Variants in SF3A1 observed in about 807,000 individuals in gnomAD.
The protein encoded by SF3A1 is SAP 114.
Under a neutral mutation model 89.9 loss-of-function variants are expected in SF3A1, and 13 were observed. The observed-to-expected ratio is 0.14, with a 90% CI of 0.09 to 0.23. The LOEUF is 0.23. Among genes scored for constraint, SF3A1 ranks in the 10% least tolerant of loss-of-function variants. SF3A1 has a pLI of 1.00. For synonymous variants in SF3A1, 405 were observed against 374.4 expected, an observed-to-expected ratio of 1.08 and a Z score of -0.94; for missense variants, 604 against 1,022.1, an observed-to-expected ratio of 0.59 and a Z score of 5.58.
intron 2 of SF3A1, among the ~76,000 whole-genome samples, chr22:30,347,835 G>C (rs1569174082): frequency 1.3e-5 from 2 of 152,106 alleles, no homozygotes; most frequent in Admixed American, 1.3e-4. Context: ...CATTATTGAG[G>C]AGATGCCAAA....
intron 11 of SF3A1, 64 bp downstream of exon 11, chr22:30,338,725 A>G: frequency 6.2e-7 from 1 of 1,606,568 alleles, no homozygotes; most frequent in Non-Finnish European, 8.5e-7. Flanking sequence ...CTTCTCAGCC[A>G]ACAGTGTCCG....
chr22:30,353,270 A>C (rs1201548462), intron 1 of SF3A1, among the ~76,000 whole-genome samples, 198 bp from the exon 2 acceptor site: 1 of 152,178 alleles, frequency 6.6e-6, no homozygotes, highest in Non-Finnish European at 1.5e-5. Flanking sequence ...ACCCAGGGAG[A>C]AGAGCAGCTT....
Position 30,352,966 on chromosome 22 carries a change from G to A in SF3A1, c.170C>T (p.Ala57Val). Residue 57 changes from alanine (A) to valine (V), a missense_variant, in exon 2 of 16, where the codon GCC becomes GTC. By Grantham distance (64) the Ala-to-Val change is moderately conservative. Transcript: ENST00000215793. ...GCTCTGTTACCTGGCCACAAAGCTGGCAGTCTTGTCAACAATATTTCTGAC... is the reference window on the plus strand; with the variant it reads ...GCTCTGTTACCTGGCCACAAAGCTGACAGTCTTGTCAACAATATTTCTGAC... ...PEVRNIVDKT[A>V]SFVARNGPEF... 6.2e-7 allele frequency: 1 copy of A among 1,614,126 alleles called. No individual in the cohort carries two copies. Among genetic ancestry groups the A allele is most frequent in the Non-Finnish European group, 8.5e-7 (1 of 1,179,968 alleles).
chr22:30,337,121 G>C lies in SF3A1; in HGVS notation c.2011C>G (p.His671Asp). The C allele has an allele frequency of 6.2e-7, 1 of 1,614,032 alleles. No homozygotes were observed. The highest frequency in any genetic ancestry group is 8.5e-7 in the Non-Finnish European group (1 of 1,179,910). Residue 671 changes from histidine (H) to aspartate (D), a missense_variant, in exon 13 of 16, where the codon CAT becomes GAT. Physicochemically the swap from His to Asp is moderately conservative, Grantham distance 81. Transcript: ENST00000215793. ...TCATCTTCCATGGGAGGTGGGGGAT[G>C]CACAGGGGGCATTGGGGCTGGAGCT... ...VPAPAPMPPV[H>D]PPPPMEDEPT...
rs1482408555 is a variant in SF3A1, at chr22:30,334,706, G to C, written c.2281-11C>G. The C allele has an allele frequency of 6.3e-7, 1 of 1,591,612 alleles. No individual in the cohort carries two copies. The highest frequency in any genetic ancestry group is 1.8e-5 in the Admixed American group (1 of 56,716). On this transcript the variant is annotated splice_polypyrimidine_tract_variant and intron_variant, in intron 15 of 15. Coordinates refer to ENST00000215793, the MANE Select transcript of SF3A1 (RefSeq NM_005877.6). The stretch of plus-strand genomic sequence containing the variant: ...TTTGATGAAGATACCCTGGAAAACA[G>C]ACAGCGTGCCTTAGCATGGGGCAAC...
chr22:30,335,424 G>A (rs577185072), intron 15 of SF3A1, 43 bp downstream of exon 15: 2 of 1,520,300 alleles, frequency 1.3e-6, no homozygotes, highest in African/African-American at 1.4e-5. Flanking sequence ...GAAAGCAGAG[G>A]TGTCAGGACC....
chr22:30,338,081 C>T (rs1189562823), intron 11 of SF3A1, among the ~76,000 whole-genome samples, 184 bp from the exon 12 acceptor site: 2 of 152,010 alleles, frequency 1.3e-5, no homozygotes, highest in Non-Finnish European at 1.5e-5. Context: ...GCTGAGAGCC[C>T]GAGGATGACA....
chr22:30,337,980 A>G lies in SF3A1; in HGVS notation c.1744-83T>C, dbSNP rs940240304. ...ACACAGTTGGCAACTGGCTGCCTGC[A>G]GCTCTGAGGATGGAGGTTAGACAAC... On this transcript the variant is annotated intron_variant, in intron 11 of 15. Coordinates refer to ENST00000215793, the MANE Select transcript of SF3A1 (RefSeq NM_005877.6). The G allele has an allele frequency of 1.3e-5, 12 of 952,272 alleles. No homozygotes were observed. In the African/African-American group the frequency reaches 1.8e-4, roughly 14 times the overall value. The allele number at this position is 952,272 out of a possible 1,614,324, so 59.0% of individuals were successfully genotyped here.
Position 30,340,183 on chromosome 22 carries a change from A to AC in SF3A1, c.1375+12dup. On this transcript the variant is annotated intron_variant, in intron 9 of 15. Coordinates refer to ENST00000215793, the MANE Select transcript of SF3A1 (RefSeq NM_005877.6). ...GGAGACTACCATGGGCTCTCCTGGAACCCCCACCTCACCTGGTGCGTACAC... is the reference window on the plus strand; with the variant it reads ...GGAGACTACCATGGGCTCTCCTGGAACCCCCCACCTCACCTGGTGCGTACAC... 1.3e-6 allele frequency: 2 copies of AC among 1,494,692 alleles called. No individual in the cohort carries two copies. The highest frequency in any genetic ancestry group is 1.8e-6 in the Non-Finnish European group (2 of 1,123,856). The allele number at this position is 1,494,692 out of a possible 1,614,324, so 92.6% of individuals were successfully genotyped here.
Position 30,337,849 on chromosome 22 carries a change from G to A in SF3A1, c.1792C>T (p.Pro598Ser). Residue 598 changes from proline to serine, a missense_variant, in exon 12 of 16, where the codon CCC becomes TCC. By Grantham distance (74) the Pro-to-Ser change is moderately conservative (BLOSUM62 -1). Around this residue, in one of 9 missense-constraint regions of SF3A1, gnomAD observed 85 missense variants for 137.3 expected, o/e 0.62. Transcript: ENST00000215793. ...TTVVSAVPVM[P>S]RPPMASVVRL... is the part of the protein sequence containing the mutation. Reference sequence around the variant, plus strand: ...ACCACAGATGCCATTGGGGGCCGGGGCATGACGGGTACTGCGGAGACAACT... The same window carrying A: ...ACCACAGATGCCATTGGGGGCCGGGACATGACGGGTACTGCGGAGACAACT... The A allele has an allele frequency of 6.2e-7, 1 of 1,609,036 alleles. No individual in the cohort carries two copies. The highest frequency in any genetic ancestry group is 8.5e-7 in the Non-Finnish European group (1 of 1,178,498).
At chr22:30,343,481 T>G (rs1931326511) in intron 4 of SF3A1, among the ~76,000 whole-genome samples, 1 of 152,232 alleles carries the variant, frequency 6.6e-6, no homozygotes, top group Non-Finnish European at 1.5e-5. Flanking sequence ...ATGCTGCCTT[T>G]GTTCTAAACA....
chr22:30,345,270 A>T, intron 3 of SF3A1, 80 bp from the exon 4 acceptor site: 1 of 1,345,192 alleles, frequency 7.4e-7, no homozygotes, highest in Non-Finnish European at 1.0e-6. Flanking sequence ...GGACATGGGC[A>T]TGCACCCCTC....
At position 30,352,627 on chromosome 22, in the gene SF3A1, T is replaced by C. The variant is rs1322370174; in HGVS notation, c.185+324A>G. On this transcript the variant is annotated intron_variant, in intron 2 of 15. Coordinates refer to ENST00000215793, the MANE Select transcript of SF3A1 (RefSeq NM_005877.6). ...GTACAATGAGAATAATAAACTCCCC[T>C]TTTTATCTTCCTCAGGCCAGCAGCT... The C allele has an allele frequency of 1.4e-5, 3 of 209,784 alleles. No homozygotes were observed. In the South Asian group the frequency reaches 3.3e-4, roughly 23 times the overall value. The allele number at this position is 209,784 out of a possible 1,614,324, so 13.0% of individuals were successfully genotyped here.
chr22:30,338,146 C>T (rs987014906), intron 11 of SF3A1, among the ~76,000 whole-genome samples: 3 of 152,088 alleles, frequency 2.0e-5, no homozygotes, highest in Non-Finnish European at 4.4e-5. Context: ...TTGGCAAACA[C>T]TGAAAGAGTC....
rs1466959242 is a variant in SF3A1, at chr22:30,341,582, C to T, written c.1071+110G>A. ...GCTGTATGGCCTTGTTCAGGACCCACGCCTCCTTTCAAGGCTCACAGGGGA... is the reference window on the plus strand; with the variant it reads ...GCTGTATGGCCTTGTTCAGGACCCATGCCTCCTTTCAAGGCTCACAGGGGA... On this transcript the variant is annotated intron_variant, in intron 7 of 15. Coordinates refer to ENST00000215793, the MANE Select transcript of SF3A1 (RefSeq NM_005877.6). The T allele has an allele frequency of 1.4e-5, 9 of 639,548 alleles. 1 individual carries two copies. The highest frequency in any genetic ancestry group is 5.7e-5 in the Admixed American group (2 of 34,948). 39.6% of individuals were successfully genotyped at this position (639,548 alleles called of 1,614,324 possible). A position where few individuals can be genotyped will look rare whatever the true frequency, so the allele number is the denominator to read the frequency against.
rs1261805422 is a variant in SF3A1 at position 30,350,584 on chromosome 22, AG to A, written c.185+2366del. On this transcript the variant is annotated intron_variant, in intron 2 of 15. Transcript: ENST00000215793. ...TCTACATGGTGCATCCCCTTAATAAAGGACCACAGGGCATTATGAAGACCAT... is the reference window on the plus strand; with the variant it reads ...TCTACATGGTGCATCCCCTTAATAAAGACCACAGGGCATTATGAAGACCAT... Among the ~76,000 whole-genome samples the A allele has an allele frequency of 3.9e-5, 6 of 152,358 alleles. No individual in the cohort carries two copies. The East Asian group carries it at 1.2e-3, about 29-fold the overall frequency.
At chr22:30,346,171 G>C in intron 3 of SF3A1, 141 bp downstream of exon 3, 1 of 670,182 alleles carries the variant, frequency 1.5e-6, no homozygotes. Flanking sequence ...CTGGGCCTCG[G>C]TCTGCCTCTG....
intron 11 of SF3A1, 144 bp downstream of exon 11, chr22:30,338,645 G>T: frequency 1.0e-6 from 1 of 999,630 alleles, no homozygotes; most frequent in Non-Finnish European, 1.5e-6. Flanking sequence ...GTTCCCACTT[G>T]CATTTAAAGG....
At chr22:30,341,487 G>T (rs1362723848) in intron 7 of SF3A1, among the ~76,000 whole-genome samples, 1 of 151,738 alleles carries the variant, frequency 6.6e-6, no homozygotes, top group Non-Finnish European at 1.5e-5. Flanking sequence ...ACAGCTTTTA[G>T]ATCCTTGCCT....
Sources: gnomAD v4.1 joint callset for allele counts (sites outside exome capture counted in the v4.1 genomes callset) on GRCh38, gnomAD v4.1.1 for gene constraint, gnomAD v4.1.1 regional missense constraint, MANE v1.5 for transcripts, NCBI Gene and HGNC (gene_info 2026-07-23, HGNC 2026-07-21) for gene names.